Variants in SDHC observed in about 807,000 individuals in gnomAD.
SDHC encodes succinate dehydrogenase complex subunit C.
In SDHC, 11 loss-of-function variants were observed where a neutral mutation model predicts 22.6. The ratio of observed to expected loss-of-function variants is 0.49; its 90% CI spans 0.31 to 0.81. SDHC has a LOEUF of 0.81. Ranked by LOEUF, SDHC falls within the 30% of genes least tolerant of loss-of-function variation. SDHC has a pLI of 0.05. For synonymous variants in SDHC, 80 were observed against 77.8 expected (o/e 1.03, Z -0.15); for missense variants, 160 against 212.0 (o/e 0.75, Z 1.52).
At chr1:161,338,114 T>G (rs1055368990) in intron 3 of SDHC, among the ~76,000 whole-genome samples, 4 of 152,240 alleles carry the variant, frequency 2.6e-5, no homozygotes, top group African/African-American at 9.6e-5. Flanking sequence ...TACCAAATTA[T>G]GCTATCGTTC....
At chr1:161,342,584 C>G (rs1243896336) in intron 4 of SDHC, among the ~76,000 whole-genome samples, 1 of 151,764 alleles carries the variant, frequency 6.6e-6, no homozygotes, top group Non-Finnish European at 1.5e-5. Flanking sequence ...CCTTGGCTCA[C>G]TGCAACCTCA....
chr1:161,350,224 T>G (rs1167742821), intron 4 of SDHC, among the ~76,000 whole-genome samples: 1 of 152,084 alleles, frequency 6.6e-6, no homozygotes, highest in Non-Finnish European at 1.5e-5. Context: ...TTTAAACAAT[T>G]TTTTAAAAAT....
At position 161,356,822 on chromosome 1, in the gene SDHC, G is replaced by C. The variant is rs981049067; in HGVS notation, c.387G>C (p.Trp129Cys). The C allele has an allele frequency of 2.5e-6, 4 of 1,614,164 alleles. No individual in the cohort carries two copies. Among genetic ancestry groups the C allele is most frequent in the Non-Finnish European group, 3.4e-6 (4 of 1,180,030 alleles). Residue 129 changes from tryptophan to cysteine, a missense_variant, in exon 5 of 6, where the codon TGG (tryptophan) becomes TGC (cysteine). Trp to Cys is a radical substitution (Grantham distance 215). Around this residue, in one of 2 missense-constraint regions of SDHC, gnomAD observed 74 missense variants for 128.6 expected, o/e 0.58. Coordinates refer to ENST00000367975, the MANE Select transcript of SDHC (RefSeq NM_003001.5). ...ALVFPLMYHT[W>C]NGIRHLMWDL... The stretch of plus-strand genomic sequence containing the variant: ...TCTTCCCTCTCATGTATCATACCTG[G>C]AATGGGATCCGACACTTGGTAAGTT...
At chr1:161,357,588 A>G (rs60799370) in intron 5 of SDHC, among the ~76,000 whole-genome samples, 17,739 of 151,682 alleles carry the variant, frequency 0.12, 1,414 homozygotes, top group African/African-American at 0.22. Flanking sequence ...TTTAGTAGAG[A>G]TGGGGTTTCC....
At chr1:161,316,139 C>T (rs1192452542) in intron 1 of SDHC, among the ~76,000 whole-genome samples, 6 of 152,212 alleles carry the variant, frequency 3.9e-5, no homozygotes, top group Non-Finnish European at 8.8e-5. Flanking sequence ...TTCCATTGCC[C>T]AGGGATGATC....
chr1:161,358,818 C>A (rs1002971793), intron 5 of SDHC, among the ~76,000 whole-genome samples: 1 of 151,226 alleles, frequency 6.6e-6, no homozygotes, highest in Admixed American at 6.6e-5. Context: ...CCCAGCTACT[C>A]GGGAGGCTGA....
chr1:161,341,032 A>G (rs1671701927), intron 4 of SDHC, among the ~76,000 whole-genome samples: 1 of 151,964 alleles, frequency 6.6e-6, no homozygotes, highest in South Asian at 2.1e-4. Context: ...TTTAGTAGAG[A>G]CGGGGTTTCA....
At position 161,356,797 on chromosome 1, in the gene SDHC, T is replaced by C; in HGVS notation, c.362T>C (p.Val121Ala). 1.9e-6 allele frequency: 3 copies of C among 1,614,186 alleles called. No individual in the cohort carries two copies. Among genetic ancestry groups the C allele is most frequent in the Non-Finnish European group, 2.5e-6 (3 of 1,180,024 alleles). ...ALIHTAKFAL[V>A]FPLMYHTWNG... ...ATCCACACAGCTAAGTTTGCACTTG[T>C]CTTCCCTCTCATGTATCATACCTGG... The change falls in exon 5 of 6, where the codon GTC becomes GCC. Residue 121 changes from valine to alanine, a missense_variant. Around this residue, in one of 2 missense-constraint regions of SDHC, gnomAD observed 74 missense variants for 128.6 expected, o/e 0.58. Transcript: ENST00000367975.
intron 1 of SDHC, among the ~76,000 whole-genome samples, chr1:161,317,465 C>T (rs1392336552): frequency 6.7e-6 from 1 of 148,658 alleles, no homozygotes; most frequent in South Asian, 2.1e-4. Context: ...ATATGCATTA[C>T]ATCTTTGTGG....
At chr1:161,358,451 T>C (rs1571893026) in intron 5 of SDHC, among the ~76,000 whole-genome samples, 5 of 152,168 alleles carry the variant, frequency 3.3e-5, no homozygotes, top group African/African-American at 1.2e-4. Context: ...TTGCCTCCTA[T>C]GTGACCTCAT....
At chr1:161,347,855 ACT>A (rs950593204) in intron 4 of SDHC, among the ~76,000 whole-genome samples, 4 of 151,966 alleles carry the variant, frequency 2.6e-5, no homozygotes, top group Non-Finnish European at 4.4e-5. Flanking sequence ...ACAGAGTGAC[ACT>A]CTGTCTCAAA....
intron 1 of SDHC, among the ~76,000 whole-genome samples, chr1:161,316,948 C>A (rs1484236932): frequency 1.3e-5 from 2 of 151,676 alleles, no homozygotes; most frequent in African/African-American, 2.4e-5. Context: ...AACTTGGGCC[C>A]ACTTAAGAGA....
At chr1:161,326,648 CAG>C (rs1028843567) in intron 2 of SDHC, 50 of 132,576 alleles carry the variant, frequency 3.8e-4, no homozygotes, top group African/African-American at 1.4e-3. Context: ...TTTTTTGAGA[CAG>C]AGTCTCGTTC....
At chr1:161,357,032 G>T (rs1672306028) in intron 5 of SDHC, among the ~76,000 whole-genome samples, 192 bp downstream of exon 5, 1 of 151,960 alleles carries the variant, frequency 6.6e-6, no homozygotes, top group Non-Finnish European at 1.5e-5. Context: ...CTGGGTTCAA[G>T]AGATTCCTGT....
intron 5 of SDHC, 139 bp from the exon 6 acceptor site, chr1:161,362,190 A>C: frequency 9.9e-7 from 1 of 1,009,798 alleles, no homozygotes. Flanking sequence ...AAGGTGGGGC[A>C]TAAGGGTAGA....
intron 3 of SDHC, among the ~76,000 whole-genome samples, chr1:161,331,741 G>A (rs1015339300): frequency 1.6e-4 from 24 of 151,598 alleles, no homozygotes; most frequent in Non-Finnish European, 2.9e-5. Context: ...GATTACAGGC[G>A]CACACCACCA....
intron 3 of SDHC, among the ~76,000 whole-genome samples, chr1:161,330,737 C>A (rs1671241434): frequency 6.6e-6 from 1 of 152,148 alleles, no homozygotes; most frequent in African/African-American, 2.4e-5. Context: ...CGATGGCTCA[C>A]ATCTGTAATC....
chr1:161,346,405 T>TC (rs1671897955), intron 4 of SDHC, among the ~76,000 whole-genome samples: 1 of 149,062 alleles, frequency 6.7e-6, no homozygotes, highest in African/African-American at 2.4e-5. Context: ...TGTGATAGCT[T>TC]TTTTTTTTTT....
chr1:161,316,106 C>A (rs554767859), intron 1 of SDHC, among the ~76,000 whole-genome samples: 1 of 152,270 alleles, frequency 6.6e-6, no homozygotes, highest in African/African-American at 2.4e-5. Flanking sequence ...ATGGAATATA[C>A]AATCGGGTTT....
Sources: allele counts gnomAD v4.1 joint callset (sites outside exome capture counted in the v4.1 genomes callset), GRCh38; gene constraint gnomAD v4.1.1; regional missense constraint gnomAD v4.1.1; transcripts MANE v1.5; gene names NCBI Gene and HGNC (gene_info 2026-07-23, HGNC 2026-07-21).